Variants in RPS6KC1 observed in about 807,000 individuals in gnomAD.
The protein encoded by RPS6KC1 is ribosomal protein S6 kinase C1, also known as inactive ribosomal protein S6 kinase delta-1.
Under a neutral mutation model 103.8 loss-of-function variants are expected in RPS6KC1, and 54 were observed. That is an observed-to-expected ratio of 0.52 (90% CI 0.42 to 0.65). RPS6KC1 has a LOEUF of 0.65. Among genes scored for constraint, RPS6KC1 ranks in the 30% least tolerant of loss-of-function variants. The pLI is 0.00. For synonymous variants in RPS6KC1, 439 were observed against 438.7 expected, an observed-to-expected ratio of 1.00 and a Z score of -0.01; for missense variants, 1,151 against 1,253.8, an observed-to-expected ratio of 0.92 and a Z score of 1.24.
chr1:213,595,951 T>C, the RPS6KC1 span, among the ~76,000 whole-genome samples: 6 of 150,470 alleles, frequency 4.0e-5, no homozygotes, highest in African/African-American at 1.5e-4. Flanking sequence ...ATATTGGGGA[T>C]TTTTTTTTTG....
the RPS6KC1 span, among the ~76,000 whole-genome samples, chr1:213,448,225 C>CAAAAAAAAAAAAAAAAAAAAGAAAA: frequency 1.3e-5 from 1 of 75,822 alleles, no homozygotes; most frequent in African/African-American, 5.7e-5. Context: ...GTGAGACTGT[C>CAAAAAAAAAAAAAAAAAAAAGAAAA]AAAAAAAAAA....
the RPS6KC1 span, among the ~76,000 whole-genome samples, chr1:213,443,560 A>T: frequency 6.6e-6 from 1 of 152,084 alleles, no homozygotes; most frequent in Non-Finnish European, 1.5e-5. Flanking sequence ...GTTCTTGGGC[A>T]TTCCTTTCCT....
intron 8 of RPS6KC1, among the ~76,000 whole-genome samples, chr1:213,199,479 G>A (rs897139493): frequency 1.3e-5 from 2 of 152,122 alleles, no homozygotes; most frequent in African/African-American, 4.8e-5. Context: ...AATAAACTAG[G>A]TATTGAAGGA....
At chr1:213,718,214 G>C in the RPS6KC1 span, among the ~76,000 whole-genome samples, 1 of 152,170 alleles carries the variant, frequency 6.6e-6, no homozygotes, top group African/African-American at 2.4e-5. Context: ...GAAACCCTTT[G>C]TTGCACCAGC....
intron 14 of RPS6KC1, 79 bp downstream of exon 14, chr1:213,262,895 G>T: frequency 2.3e-6 from 2 of 860,252 alleles, no homozygotes; most frequent in Non-Finnish European, 4.0e-6. Flanking sequence ...CTTAAAAAGA[G>T]ATTAGTTTGG....
At chr1:213,305,292 A>G in the RPS6KC1 span, among the ~76,000 whole-genome samples, 2 of 152,116 alleles carry the variant, frequency 1.3e-5, no homozygotes, top group Non-Finnish European at 2.9e-5. Flanking sequence ...CATGTTGGCC[A>G]GGCTGGTCTC....
At chr1:213,148,789 A>G (rs560007246) in intron 6 of RPS6KC1, among the ~76,000 whole-genome samples, 2 of 152,094 alleles carry the variant, frequency 1.3e-5, no homozygotes, top group Non-Finnish European at 2.9e-5. Context: ...GTATTCAGCA[A>G]TGAAGCCATC....
chr1:213,251,642 C>T (rs1311098168), intron 12 of RPS6KC1, among the ~76,000 whole-genome samples: 2 of 152,178 alleles, frequency 1.3e-5, no homozygotes, highest in Non-Finnish European at 2.9e-5. Flanking sequence ...GTTTTAAACT[C>T]TTTAGCCTAC....
the RPS6KC1 span, among the ~76,000 whole-genome samples, chr1:213,696,434 G>A: frequency 8.8e-3 from 1,333 of 150,684 alleles, 29 homozygotes; most frequent in East Asian, 0.078. Context: ...CCCGGGAGGC[G>A]GAGACTGCGG....
At chr1:213,314,651 G>T in the RPS6KC1 span, among the ~76,000 whole-genome samples, 1 of 148,932 alleles carries the variant, frequency 6.7e-6, no homozygotes, top group African/African-American at 2.5e-5. Flanking sequence ...TTTGGACCAC[G>T]GTGGCTTTTT....
intron 8 of RPS6KC1, among the ~76,000 whole-genome samples, chr1:213,221,193 C>CT (rs910893551): frequency 3.6e-4 from 54 of 148,138 alleles, no homozygotes; most frequent in East Asian, 5.9e-4. Flanking sequence ...TATGACTAGA[C>CT]TTTTTTTTTT....
chr1:213,546,882 C>CAGTGG, the RPS6KC1 span, among the ~76,000 whole-genome samples: 373 of 152,282 alleles, frequency 2.4e-3, 2 homozygotes, highest in African/African-American at 8.8e-3. Flanking sequence ...TCCACTGGAT[C>CAGTGG]AATTATTTAG....
the RPS6KC1 span, among the ~76,000 whole-genome samples, chr1:213,359,960 C>CTTATTAGGTT: frequency 6.6e-6 from 1 of 152,130 alleles, no homozygotes; most frequent in African/African-American, 2.4e-5. Flanking sequence ...TTGTGGGTAA[C>CTTATTAGGTT]CCGACCTTTC....
chr1:213,571,014 C>T, the RPS6KC1 span, among the ~76,000 whole-genome samples: 1 of 152,226 alleles, frequency 6.6e-6, no homozygotes, highest in African/African-American at 2.4e-5. Flanking sequence ...ATAAATTAGT[C>T]TTTAAATGCG....
intron 8 of RPS6KC1, among the ~76,000 whole-genome samples, chr1:213,209,014 T>C (rs1288875261): frequency 6.6e-6 from 1 of 151,954 alleles, no homozygotes; most frequent in Non-Finnish European, 1.5e-5. Context: ...CCTTCCTTTC[T>C]CTATTGGTTC....
intron 8 of RPS6KC1, among the ~76,000 whole-genome samples, chr1:213,218,362 A>C (rs1411077463): frequency 6.6e-6 from 1 of 152,072 alleles, no homozygotes; most frequent in Non-Finnish European, 1.5e-5. Context: ...TGCTCAATGA[A>C]ATAAAAGAGG....
chr1:213,336,039 T>C, the RPS6KC1 span, among the ~76,000 whole-genome samples: 1 of 152,234 alleles, frequency 6.6e-6, no homozygotes, highest in Admixed American at 6.5e-5. Context: ...TTCAAAGTTA[T>C]AGCATTTTCT....
chr1:213,331,985 G>A, the RPS6KC1 span, among the ~76,000 whole-genome samples: 1 of 150,704 alleles, frequency 6.6e-6, no homozygotes, highest in South Asian at 2.1e-4. Context: ...CAGATGTTGC[G>A]GCCATTGGTT....
At chr1:213,609,663 A>C in the RPS6KC1 span, among the ~76,000 whole-genome samples, 1 of 151,752 alleles carries the variant, frequency 6.6e-6, no homozygotes, top group East Asian at 1.9e-4. Context: ...AGGTGGGTTT[A>C]TCTCTTTGGC....
Sources: allele counts gnomAD v4.1 joint callset (sites outside exome capture counted in the v4.1 genomes callset), GRCh38; gene constraint gnomAD v4.1.1; transcripts MANE v1.5; gene names NCBI Gene and HGNC (gene_info 2026-07-23, HGNC 2026-07-21).